AP2B1: variants seen among roughly 807,000 people sequenced by gnomAD.
AP2B1 encodes adaptor related protein complex 2 subunit beta 1.
Under a neutral mutation model 102.0 loss-of-function variants are expected in AP2B1, and 23 were observed. The observed-to-expected ratio is 0.23, with a 90% CI of 0.16 to 0.32. AP2B1 has a LOEUF of 0.32. Among genes scored for constraint, AP2B1 ranks in the 10% least tolerant of loss-of-function variants. The pLI is 1.00. For missense variants in AP2B1, 541 were observed against 1,157.4 expected, an observed-to-expected ratio of 0.47 and a Z score of 7.73; for synonymous variants, 381 against 421.2, an observed-to-expected ratio of 0.90 and a Z score of 1.17.
rs111634223 is a variant in AP2B1 at position 35,668,211 on chromosome 17, A to G, written c.1990-2646A>G. Reference sequence around the variant, plus strand: ...CTCGGCTTCCCAAAGTGCTGGGATTACAGGTGTGAGCCACCACGCCCGGCC... The same window carrying G: ...CTCGGCTTCCCAAAGTGCTGGGATTGCAGGTGTGAGCCACCACGCCCGGCC... On this transcript the variant is annotated intron_variant, in intron 14 of 21. Transcript: ENST00000610402. Among the ~76,000 whole-genome samples the G allele has an allele frequency of 5.2e-3, 795 of 152,234 alleles. 8 individuals carry two copies. Among genetic ancestry groups the G allele is most frequent in the African/African-American group, 0.018 (751 of 41,536 alleles).
chr17:35,695,549 T>C (rs1039143990), intron 18 of AP2B1, among the ~76,000 whole-genome samples: 2 of 152,078 alleles, frequency 1.3e-5, no homozygotes, highest in Admixed American at 1.3e-4. Flanking sequence ...TCAGGTAAGT[T>C]ACCTGTTATA....
intron 17 of AP2B1, among the ~76,000 whole-genome samples, chr17:35,680,703 T>G (rs1205434495): frequency 2.0e-5 from 3 of 147,982 alleles, no homozygotes; most frequent in South Asian, 2.1e-4. Context: ...TTTTTTTGTT[T>G]TTTTTTTTTT....
In AP2B1 at chr17:35,686,761, G is replaced by A. The variant is rs1023152944; in HGVS notation, c.2454+3937G>A. Among the ~76,000 whole-genome samples, 4 of 152,112 alleles carry A rather than the reference G, an allele frequency of 2.6e-5. No individual in the cohort carries two copies. The South Asian group carries it at 6.2e-4, about 24-fold the overall frequency. On this transcript the variant is annotated intron_variant, in intron 18 of 21. Coordinates refer to ENST00000610402, the MANE Select transcript of AP2B1 (RefSeq NM_001030006.2). The stretch of plus-strand genomic sequence containing the variant: ...GGGCGGATCACGAGGTCAGGAGATC[G>A]AGACCATCCTGGCTAACACGGTGAA...
chr17:35,629,864 C>T (rs225258), intron 9 of AP2B1, among the ~76,000 whole-genome samples: 129,154 of 152,164 alleles, frequency 0.85, 55,000 homozygotes, highest in East Asian at 0.97. Context: ...CTGTAATTTA[C>T]ATTGCCCTGC....
chr17:35,594,346 AGT>A (rs1356659383), intron 2 of AP2B1, among the ~76,000 whole-genome samples: 2 of 152,246 alleles, frequency 1.3e-5, no homozygotes, highest in Non-Finnish European at 2.9e-5. Flanking sequence ...AGATTGGTTA[AGT>A]GTGAGGAGGA....
intron 7 of AP2B1, 78 bp from the exon 8 acceptor site, chr17:35,627,307 T>G: frequency 1.8e-6 from 2 of 1,082,250 alleles, no homozygotes; most frequent in African/African-American, 1.9e-5. Flanking sequence ...GAGGCACAGA[T>G]TAGGTATTAA....
chr17:35,705,152 C>A (rs914081812), intron 18 of AP2B1, among the ~76,000 whole-genome samples: 1 of 152,160 alleles, frequency 6.6e-6, no homozygotes, highest in African/African-American at 2.4e-5. Flanking sequence ...GAGAGGTAGT[C>A]TGGAGTCAGA....
chr17:35,694,604 C>A (rs1436752963), intron 18 of AP2B1, among the ~76,000 whole-genome samples: 2 of 151,930 alleles, frequency 1.3e-5, no homozygotes, highest in Non-Finnish European at 1.5e-5. Context: ...GGCTGAGCGC[C>A]ATGGCTCACA....
intron 14 of AP2B1, among the ~76,000 whole-genome samples, chr17:35,665,784 C>T (rs1273467041): frequency 3.3e-5 from 5 of 152,108 alleles, no homozygotes; most frequent in Non-Finnish European, 2.9e-5. Context: ...AAGATATACA[C>T]CTGCAGTTAA....
intron 18 of AP2B1, among the ~76,000 whole-genome samples, chr17:35,691,342 T>G (rs2076037162): frequency 6.6e-6 from 1 of 152,242 alleles, no homozygotes; most frequent in African/African-American, 2.4e-5. Context: ...TGCTTGTCCC[T>G]GATATTTCAT....
intron 10 of AP2B1, 72 bp from the exon 11 acceptor site, chr17:35,639,523 G>A (rs993178281): frequency 7.1e-6 from 10 of 1,417,982 alleles, no homozygotes; most frequent in Non-Finnish European, 9.6e-6. Context: ...TTGTGGTTTT[G>A]CCTTTAGCCT....
chr17:35,610,505 A>G (rs1298468859), intron 5 of AP2B1, among the ~76,000 whole-genome samples: 1 of 152,102 alleles, frequency 6.6e-6, no homozygotes, highest in Non-Finnish European at 1.5e-5. Flanking sequence ...TCATATGCCT[A>G]TAATCCTAGC....
chr17:35,711,860 C>G (rs2076459640), intron 20 of AP2B1, among the ~76,000 whole-genome samples: 2 of 152,182 alleles, frequency 1.3e-5, no homozygotes, highest in Middle Eastern at 3.2e-3. Context: ...AATCCAACAT[C>G]ATAGTGATCA....
chr17:35,670,813 A>G, intron 14 of AP2B1, 44 bp from the exon 15 acceptor site: 1 of 1,603,584 alleles, frequency 6.2e-7, no homozygotes, highest in Non-Finnish European at 8.5e-7. Flanking sequence ...ATTTAGCTAA[A>G]TGAACTCTAC....
At chr17:35,710,535 A>G (rs1435557719) in intron 20 of AP2B1, among the ~76,000 whole-genome samples, 2 of 152,240 alleles carry the variant, frequency 1.3e-5, no homozygotes, top group Non-Finnish European at 2.9e-5. Context: ...AACATTTAAG[A>G]AACAAGCTAG....
intron 21 of AP2B1, among the ~76,000 whole-genome samples, chr17:35,720,573 AT>A (rs1208973388): frequency 0.01 from 279 of 27,882 alleles, 1 homozygote; most frequent in Non-Finnish European, 0.01. Flanking sequence ...ATATATATAT[AT>A]TTTTTTTTTT....
At chr17:35,703,267 A>AC (rs1349760176) in intron 18 of AP2B1, among the ~76,000 whole-genome samples, 1 of 149,708 alleles carries the variant, frequency 6.7e-6, no homozygotes, top group African/African-American at 2.5e-5. Flanking sequence ...TCCATCTCAA[A>AC]AAAAAAAAAA....
intron 3 of AP2B1, among the ~76,000 whole-genome samples, chr17:35,603,922 A>C (rs1320021928): frequency 6.6e-6 from 1 of 152,168 alleles, no homozygotes; most frequent in Admixed American, 6.5e-5. Flanking sequence ...AACTGGGCAC[A>C]GTCTGATCTG....
rs1430084302 is a variant in AP2B1 at position 35,671,889 on chromosome 17, G to T, written c.2167G>T (p.Ala723Ser). ...AGGCATGGCACCTGGTGGATATGTGGCTCCTAAGGCTGTAAGTAAAGAGTT... is the reference window on the plus strand; with the variant it reads ...AGGCATGGCACCTGGTGGATATGTGTCTCCTAAGGCTGTAAGTAAAGAGTT... ...GIGMAPGGYVAPKAVWLPAVK... is the reference protein window; with the variant it reads ...GIGMAPGGYVSPKAVWLPAVK... Residue 723 changes from alanine (A) to serine (S), a missense_variant, in exon 16 of 22, where the codon GCT becomes TCT. Ala to Ser is a moderately conservative substitution (Grantham distance 99). Coordinates refer to ENST00000610402, the MANE Select transcript of AP2B1 (RefSeq NM_001030006.2). 6.2e-7 allele frequency: 1 copy of T among 1,614,022 alleles called. No individual in the cohort carries two copies. The highest frequency in any genetic ancestry group is 2.2e-5 in the East Asian group (1 of 44,876).
Sources: allele counts gnomAD v4.1 joint callset (sites outside exome capture counted in the v4.1 genomes callset), GRCh38; gene constraint gnomAD v4.1.1; transcripts MANE v1.5; gene names NCBI Gene and HGNC (gene_info 2026-07-23, HGNC 2026-07-21).